ZNF618: variants seen among roughly 807,000 people sequenced by gnomAD.
The protein encoded by ZNF618 is zinc finger protein 618.
ZNF618 carries 34 observed loss-of-function variants against 103.0 expected under a neutral mutation model. That is an observed-to-expected ratio of 0.33 (90% confidence interval 0.25 to 0.44). The LOEUF (loss-of-function observed/expected upper bound fraction) is 0.44. Among genes scored for constraint, ZNF618 ranks in the 20% least tolerant of loss-of-function variants. The pLI is 1.00. For missense variants in ZNF618, 1,059 were observed against 1,295.4 expected, an observed-to-expected ratio of 0.82 and a Z score of 2.80; for synonymous variants, 551 against 542.2, an observed-to-expected ratio of 1.02 and a Z score of -0.23.
chr9:114,006,891 G>T (rs1470769242), intron 6 of ZNF618, among the ~76,000 whole-genome samples: 1 of 152,168 alleles, frequency 6.6e-6, no homozygotes, highest in African/African-American at 2.4e-5. Context: ...CTCAGCTCCT[G>T]GTCACCTGTG....
At chr9:113,880,131 T>G (rs528645219) in intron 1 of ZNF618, among the ~76,000 whole-genome samples, 3 of 152,234 alleles carry the variant, frequency 2.0e-5, no homozygotes, top group African/African-American at 7.2e-5. Flanking sequence ...CGTCTTCTCC[T>G]TGGTGGGTGA....
chr9:113,904,534 G>A (rs1342523461), intron 1 of ZNF618, among the ~76,000 whole-genome samples: 1 of 152,084 alleles, frequency 6.6e-6, no homozygotes, highest in Non-Finnish European at 1.5e-5. Context: ...GCTGTGTTTT[G>A]CTCTGTTATT....
chr9:113,883,959 T>C (rs961600508), intron 1 of ZNF618, among the ~76,000 whole-genome samples: 2 of 127,676 alleles, frequency 1.6e-5, no homozygotes, highest in African/African-American at 5.9e-5. Flanking sequence ...ATGCTCTGTT[T>C]ACCTCACTTT....
At chr9:113,927,588 G>A (rs1833218025) in intron 1 of ZNF618, among the ~76,000 whole-genome samples, 1 of 152,114 alleles carries the variant, frequency 6.6e-6, no homozygotes, top group African/African-American at 2.4e-5. Context: ...TAACCCCTTA[G>A]GTGAGACAGG....
chr9:114,029,028 C>T (rs1194097617), intron 11 of ZNF618, 56 bp downstream of exon 11: 1 of 1,514,314 alleles, frequency 6.6e-7, no homozygotes, highest in Non-Finnish European at 8.8e-7. Context: ...TTCTCACCAC[C>T]TGCCACAGCT....
At chr9:113,945,596 C>T (rs940470570) in intron 1 of ZNF618, among the ~76,000 whole-genome samples, 1 of 152,154 alleles carries the variant, frequency 6.6e-6, no homozygotes, top group African/African-American at 2.4e-5. Context: ...GTAATCTGGG[C>T]CCATGGGACC....
rs143628374 is a variant in ZNF618 at position 113,901,214 on chromosome 9, G to T, written c.33+24801G>T. On this transcript the variant is annotated intron_variant, in intron 1 of 14. Coordinates refer to ENST00000374126, the MANE Select transcript of ZNF618 (RefSeq NM_001318042.2). ...CGAGAGAGCGTTTGTTGCACTTGAG[G>T]GTCTAAACTTTGTCTCCAGTTCTCC... Among the ~76,000 whole-genome samples, 512 of 152,308 alleles carry T rather than the reference G, an allele frequency of 3.4e-3. 3 individuals carry two copies. The highest frequency in any genetic ancestry group is 0.012 in the African/African-American group (488 of 41,562).
At chr9:113,897,204 A>G (rs574889588) in intron 1 of ZNF618, among the ~76,000 whole-genome samples, 13 of 152,118 alleles carry the variant, frequency 8.5e-5, no homozygotes, top group African/African-American at 2.7e-4. Context: ...TTTTCCCCCT[A>G]TGTACTAGTA....
chr9:113,897,543 A>C (rs929575416), intron 1 of ZNF618, among the ~76,000 whole-genome samples: 1 of 152,186 alleles, frequency 6.6e-6, no homozygotes, highest in African/African-American at 2.4e-5. Context: ...TTTCTTAATA[A>C]TAGGAAATGT....
chr9:114,029,531 C>T (rs980269061), intron 11 of ZNF618, among the ~76,000 whole-genome samples: 1 of 152,180 alleles, frequency 6.6e-6, no homozygotes, highest in Admixed American at 6.5e-5. Context: ...ATTGTGATCA[C>T]ACTGTTGTCT....
intron 2 of ZNF618, 120 bp downstream of exon 2, chr9:113,969,280 T>C: frequency 7.9e-7 from 1 of 1,258,868 alleles, no homozygotes; most frequent in Non-Finnish European, 1.2e-6. Context: ...AGGCCAGCCC[T>C]CCTTGGCAAG....
chr9:113,990,640 G>T (rs559631720), intron 3 of ZNF618, among the ~76,000 whole-genome samples: 3 of 152,336 alleles, frequency 2.0e-5, no homozygotes, highest in Admixed American at 6.5e-5. Flanking sequence ...GGGAAAGCAC[G>T]CTGTGGAGAG....
At chr9:114,002,805 C>A in intron 6 of ZNF618, 143 bp downstream of exon 6, 1 of 896,796 alleles carries the variant, frequency 1.1e-6, no homozygotes, top group Non-Finnish European at 1.7e-6. Context: ...GGGGGCCAGA[C>A]CATCCTTACA....
intron 1 of ZNF618, among the ~76,000 whole-genome samples, chr9:113,907,948 C>G (rs1285976703): frequency 6.6e-6 from 1 of 152,128 alleles, no homozygotes; most frequent in Non-Finnish European, 1.5e-5. Flanking sequence ...GTGTGGGATC[C>G]CTTTCTCAAG....
chr9:114,048,513 C>G, intron 14 of ZNF618, 138 bp from the exon 15 acceptor site: 1 of 892,124 alleles, frequency 1.1e-6, no homozygotes, highest in Non-Finnish European at 1.7e-6. Flanking sequence ...TTAAAGGCAG[C>G]CAGCACCACC....
At chr9:113,985,781 T>C (rs1839418990) in intron 2 of ZNF618, among the ~76,000 whole-genome samples, 1 of 152,192 alleles carries the variant, frequency 6.6e-6, no homozygotes, top group African/African-American at 2.4e-5. Flanking sequence ...CACATGACTT[T>C]GGGTACGTTA....
intron 1 of ZNF618, among the ~76,000 whole-genome samples, chr9:113,898,316 C>T (rs1587971477): frequency 6.6e-6 from 1 of 152,206 alleles, no homozygotes; most frequent in African/African-American, 2.4e-5. Flanking sequence ...TTGTTTCCTT[C>T]GCCCTCCCCC....
At position 114,036,521 on chromosome 9, in the gene ZNF618, G is replaced by A. The variant is rs1844627130; in HGVS notation, c.1246+144G>A. On this transcript the variant is annotated intron_variant, in intron 13 of 14. Coordinates refer to ENST00000374126, the MANE Select transcript of ZNF618 (RefSeq NM_001318042.2). ...AGGACATGGAACCTGCTTGCAGGGA[G>A]CCCCAGTCAGTCAGTTATTAACACA... is the stretch of plus-strand genomic sequence containing the variant. 8.3e-6 allele frequency: 7 copies of A among 843,910 alleles called. No homozygotes were observed. In the East Asian group the frequency reaches 1.9e-4, roughly 23 times the overall value. 52.3% of individuals were successfully genotyped at this position (843,910 alleles called of 1,614,324 possible). A position where few individuals can be genotyped will look rare whatever the true frequency, so the allele number is the denominator to read the frequency against.
At chr9:113,985,534 G>A (rs1455350820) in intron 2 of ZNF618, among the ~76,000 whole-genome samples, 1 of 152,202 alleles carries the variant, frequency 6.6e-6, no homozygotes, top group African/African-American at 2.4e-5. Context: ...GGGGGCCAGG[G>A]GGACTCTTGC....
Sources: allele counts gnomAD v4.1 joint callset (sites outside exome capture counted in the v4.1 genomes callset), GRCh38; gene constraint gnomAD v4.1.1; transcripts MANE v1.5; gene names NCBI Gene and HGNC (gene_info 2026-07-23, HGNC 2026-07-21).